Variants in LRRIQ3 observed in about 807,000 individuals in gnomAD.
LRRIQ3 encodes leucine-rich repeat and IQ domain-containing protein 3.
In LRRIQ3, 75 loss-of-function variants were observed where a neutral mutation model predicts 59.3. The observed-to-expected ratio is 1.26, with a 90% confidence interval of 1.05 to 1.53. LRRIQ3 has a LOEUF of 1.53. Ranked by LOEUF, LRRIQ3 falls within the 40% of genes most tolerant of loss-of-function variation. The pLI is 0.00. For missense variants in LRRIQ3, 831 were observed against 710.0 expected (o/e 1.17, Z -1.94); for synonymous variants, 250 against 231.3 (o/e 1.08, Z -0.73).
chr1:74,138,163 CAA>C (rs71588822), intron 4 of LRRIQ3, among the ~76,000 whole-genome samples: 20 of 111,676 alleles, frequency 1.8e-4, no homozygotes, highest in Admixed American at 6.1e-4. Flanking sequence ...AACAAACAAA[CAA>C]AAAAAAAAAA....
chr1:74,105,001 G>A (rs1646588976), intron 5 of LRRIQ3, among the ~76,000 whole-genome samples: 1 of 151,764 alleles, frequency 6.6e-6, no homozygotes, highest in Admixed American at 6.6e-5. Context: ...TGATGATGTG[G>A]CATAAAATAT....
intron 4 of LRRIQ3, among the ~76,000 whole-genome samples, chr1:74,131,423 A>G (rs1444183786): frequency 6.6e-6 from 1 of 152,194 alleles, no homozygotes. Flanking sequence ...ACACAACAAA[A>G]AAAGAGAATT....
intron 5 of LRRIQ3, among the ~76,000 whole-genome samples, chr1:74,077,731 A>G (rs1350086456): frequency 6.6e-6 from 1 of 152,000 alleles, no homozygotes; most frequent in Admixed American, 6.6e-5. Context: ...AATCTACAGA[A>G]AGATGAACAA....
intron 5 of LRRIQ3, among the ~76,000 whole-genome samples, chr1:74,077,164 A>T (rs1015008450): frequency 2.6e-5 from 4 of 152,008 alleles, no homozygotes; most frequent in Non-Finnish European, 2.9e-5. Flanking sequence ...ATACTTTTTC[A>T]ACCTCAAATT....
chr1:74,184,247 G>T (rs898861847), intron 1 of LRRIQ3, among the ~76,000 whole-genome samples: 4 of 151,932 alleles, frequency 2.6e-5, no homozygotes, highest in Admixed American at 1.3e-4. Context: ...AATTCAATTA[G>T]GAAATTAGGC....
chr1:74,175,637 C>T (rs759273470), intron 3 of LRRIQ3, among the ~76,000 whole-genome samples: 10 of 152,178 alleles, frequency 6.6e-5, no homozygotes, highest in Non-Finnish European at 1.3e-4. Context: ...GCTGTAACCT[C>T]TCCCCTGGGT....
intron 7 of LRRIQ3, among the ~76,000 whole-genome samples, chr1:74,028,766 T>C (rs1249024131): frequency 6.6e-6 from 1 of 152,018 alleles, no homozygotes; most frequent in Non-Finnish European, 1.5e-5. Context: ...TAGTAGGAAG[T>C]AAATAAACTA....
intron 4 of LRRIQ3, among the ~76,000 whole-genome samples, chr1:74,119,323 G>A (rs938693093): frequency 6.6e-6 from 1 of 151,722 alleles, no homozygotes; most frequent in African/African-American, 2.4e-5. Flanking sequence ...TGATATGTTG[G>A]TTGGTAGTTT....
At chr1:74,177,368 T>A (rs1649707223) in intron 3 of LRRIQ3, among the ~76,000 whole-genome samples, 1 of 152,148 alleles carries the variant, frequency 6.6e-6, no homozygotes, top group Admixed American at 6.5e-5. Flanking sequence ...CTCCTCAAGC[T>A]TGCAGACAGC....
At chr1:74,140,623 A>C (rs1024685897) in intron 4 of LRRIQ3, among the ~76,000 whole-genome samples, 4 of 151,826 alleles carry the variant, frequency 2.6e-5, no homozygotes, top group African/African-American at 9.7e-5. Flanking sequence ...ACTTTTTTTA[A>C]GCACACGTGA....
intron 6 of LRRIQ3, among the ~76,000 whole-genome samples, chr1:74,048,264 A>T (rs1426176262): frequency 6.6e-6 from 1 of 152,164 alleles, no homozygotes; most frequent in Non-Finnish European, 1.5e-5. Flanking sequence ...GCTCAGAGAC[A>T]TTGATCACCC....
chr1:74,154,512 C>G (rs1276451534), intron 4 of LRRIQ3, among the ~76,000 whole-genome samples: 1 of 151,968 alleles, frequency 6.6e-6, no homozygotes, highest in Non-Finnish European at 1.5e-5. Flanking sequence ...TCTCTTCCTG[C>G]AAAACTCTCT....
intron 4 of LRRIQ3, among the ~76,000 whole-genome samples, chr1:74,146,482 T>C (rs1647576946): frequency 6.6e-6 from 1 of 152,128 alleles, no homozygotes; most frequent in Non-Finnish European, 1.5e-5. Flanking sequence ...TAAATACTTG[T>C]AGAATGAACT....
intron 6 of LRRIQ3, among the ~76,000 whole-genome samples, chr1:74,073,121 A>G (rs1407881187): frequency 6.6e-6 from 1 of 152,130 alleles, no homozygotes; most frequent in East Asian, 1.9e-4. Flanking sequence ...CTTCTCCAAC[A>G]TGGTTCCTAT....
chr1:74,127,758 C>T (rs1311052709), intron 4 of LRRIQ3, among the ~76,000 whole-genome samples: 2 of 151,796 alleles, frequency 1.3e-5, no homozygotes, highest in Admixed American at 1.3e-4. Flanking sequence ...AGTTTAGACA[C>T]CACAATTACA....
At chr1:74,070,691 A>G (rs960834300) in intron 6 of LRRIQ3, among the ~76,000 whole-genome samples, 3 of 151,878 alleles carry the variant, frequency 2.0e-5, no homozygotes, top group Non-Finnish European at 2.9e-5. Flanking sequence ...TTTAGTAATA[A>G]CTTATGATTT....
chr1:74,053,406 T>C (rs1039193926), intron 6 of LRRIQ3, among the ~76,000 whole-genome samples: 1 of 152,144 alleles, frequency 6.6e-6, no homozygotes, highest in African/African-American at 2.4e-5. Context: ...TTAAAATTTC[T>C]GCCCTGCAAA....
In LRRIQ3 at chr1:74,084,891, T is replaced by C. The variant is rs560580440; in HGVS notation, c.868-10101A>G. Among the ~76,000 whole-genome samples the C allele has an allele frequency of 2.3e-3, 354 of 151,946 alleles. 3 individuals are homozygous for C. Among genetic ancestry groups the C allele is most frequent in the African/African-American group, 7.9e-3 (327 of 41,546 alleles). On this transcript the variant is annotated intron_variant, in intron 5 of 7. Transcript: ENST00000354431. Reference sequence around the variant, plus strand: ...TATAGAATTTCCAGAATAATGAATTTCATTATAATGACCACGGTACTGGTA... The same window carrying C: ...TATAGAATTTCCAGAATAATGAATTCCATTATAATGACCACGGTACTGGTA...
intron 5 of LRRIQ3, among the ~76,000 whole-genome samples, 187 bp from the exon 6 acceptor site, chr1:74,074,977 C>T (rs771325254): frequency 6.6e-6 from 1 of 152,084 alleles, no homozygotes; most frequent in Admixed American, 6.6e-5. Flanking sequence ...TTTTAACAAT[C>T]TGTCATTCTA....
Sources: allele counts gnomAD v4.1 joint callset (sites outside exome capture counted in the v4.1 genomes callset), GRCh38; gene constraint gnomAD v4.1.1; transcripts MANE v1.5; gene names NCBI Gene and HGNC (gene_info 2026-07-23, HGNC 2026-07-21).